MRRF: variants seen among roughly 807,000 people sequenced by gnomAD.
MRRF encodes the protein ribosome-recycling factor, mitochondrial.
MRRF carries 18 observed loss-of-function variants against 25.1 expected under a neutral mutation model. The observed-to-expected ratio is 0.72, with a 90% CI of 0.50 to 1.06. The LOEUF is 1.06. MRRF is among the 50% of genes least tolerant of loss of function. The probability of loss-of-function intolerance (pLI) is 0.00; values close to 1 mark genes in which losing one functional copy is unlikely to be tolerated. For synonymous variants in MRRF, 113 were observed against 112.1 expected (o/e 1.01, Z -0.05); for missense variants, 323 against 319.3 (o/e 1.01, Z -0.09).
At chr9:122,302,855 T>G (rs1163488486) in intron 5 of MRRF, among the ~76,000 whole-genome samples, 2 of 152,214 alleles carry the variant, frequency 1.3e-5, no homozygotes, top group African/African-American at 4.8e-5. Flanking sequence ...GATTTCAGTT[T>G]CTCCATTCCT....
At chr9:122,277,286 T>C (rs1329991863) in intron 2 of MRRF, among the ~76,000 whole-genome samples, 1 of 152,256 alleles carries the variant, frequency 6.6e-6, no homozygotes. Context: ...TGATTTCCAA[T>C]AGTGAATTTT....
intron 3 of MRRF, among the ~76,000 whole-genome samples, chr9:122,283,556 C>T (rs73555242): frequency 0.047 from 7,146 of 152,242 alleles, 528 homozygotes; most frequent in African/African-American, 0.16. Flanking sequence ...TTATACCTCC[C>T]GGACTTTTCC....
At chr9:122,308,884 G>T (rs1313299030) in intron 5 of MRRF, among the ~76,000 whole-genome samples, 1 of 152,018 alleles carries the variant, frequency 6.6e-6, no homozygotes, top group East Asian at 1.9e-4. Context: ...ATTGTGTGTT[G>T]TAGGGATGGG....
intron 5 of MRRF, among the ~76,000 whole-genome samples, chr9:122,301,743 T>C (rs1413383482): frequency 6.6e-6 from 1 of 151,964 alleles, no homozygotes. Context: ...TTTTTTTTTT[T>C]TTCTTTTTGA....
rs201001240 is a variant in MRRF, at chr9:122,291,799, C to G, written c.510C>G (p.Asn170Lys). 1 of 1,613,894 alleles carries G rather than the reference C, an allele frequency of 6.2e-7. No individual in the cohort carries two copies. The highest frequency in any genetic ancestry group is 8.5e-7 in the Non-Finnish European group (1 of 1,179,814). ...TAAGAGAAAGTGGAATGAATCTGAA[C>G]CCAGAAGTGGAAGGGACGCTAATTC... ...KAIRESGMNL[N>K]PEVEGTLIRV... The change falls in exon 5 of 7, where the codon AAC becomes AAG. Residue 170 changes from asparagine (N) to lysine (K), a missense_variant. Coordinates refer to ENST00000344641, the MANE Select transcript of MRRF (RefSeq NM_138777.5).
intron 1 of MRRF, among the ~76,000 whole-genome samples, chr9:122,269,120 C>A (rs1427047288): frequency 2.0e-5 from 3 of 150,402 alleles, no homozygotes; most frequent in African/African-American, 7.3e-5. Flanking sequence ...GAGCCGAGAT[C>A]GTGCCACTGC....
At chr9:122,284,159 A>G (rs1833245586) in intron 3 of MRRF, among the ~76,000 whole-genome samples, 1 of 152,152 alleles carries the variant, frequency 6.6e-6, no homozygotes, top group Admixed American at 6.6e-5. Flanking sequence ...CCTCTGCAGA[A>G]TCAGGATCTC....
Position 122,280,468 on chromosome 9 carries a change from C to G in MRRF, c.210C>G (p.Thr70=), listed in dbSNP as rs1833031940. 6.2e-7 allele frequency: 1 copy of G among 1,613,948 alleles called. No homozygotes were observed. Among genetic ancestry groups the G allele is most frequent in the East Asian group, 2.2e-5 (1 of 44,880 alleles). The change falls in exon 3 of 7, where the codon ACC becomes ACG. Residue 70 remains threonine (T), a synonymous_variant. Transcript: ENST00000344641. ...AKAKGKGQSQ[T]RVNINAALVE... is the part of the protein sequence containing the mutation. ...CCAAAGGGAAAGGACAGTCCCAAACCAGAGTGAATATTAATGCTGCCTTGG... is the reference window on the plus strand; with the variant it reads ...CCAAAGGGAAAGGACAGTCCCAAACGAGAGTGAATATTAATGCTGCCTTGG...
chr9:122,292,168 G>A (rs966671545), intron 5 of MRRF, among the ~76,000 whole-genome samples: 8 of 152,300 alleles, frequency 5.3e-5, no homozygotes, highest in Non-Finnish European at 8.8e-5. Flanking sequence ...GGATCCAATA[G>A]AGAGTGACTT....
intron 2 of MRRF, among the ~76,000 whole-genome samples, chr9:122,273,758 A>G (rs13284118): frequency 6.6e-6 from 1 of 152,212 alleles, no homozygotes; most frequent in Non-Finnish European, 1.5e-5. Flanking sequence ...CTTTAACACC[A>G]CAGATTAGTT....
rs1316608637 is a variant in MRRF at position 122,327,425 on chromosome 9, T to G, written c.*4808T>G. ...AAGCTTGTATCCTCAAAAGCCACTT[T>G]GAGGCTTTCTTTTGCCCTAATAGAC... is the stretch of plus-strand genomic sequence containing the variant. On this transcript the variant is annotated 3_prime_UTR_variant, in exon 7 of 7. Coordinates refer to ENST00000344641, the MANE Select transcript of MRRF (RefSeq NM_138777.5). 6.6e-6 allele frequency: 1 copy of G among 152,220 alleles called. No homozygotes were observed. The highest frequency in any genetic ancestry group is 1.5e-5 in the Non-Finnish European group (1 of 68,036). The allele number at this position is 152,220 out of a possible 1,614,324, so 9.4% of individuals were successfully genotyped here.
chr9:122,282,616 T>C (rs1408106222), intron 3 of MRRF, among the ~76,000 whole-genome samples: 1 of 152,232 alleles, frequency 6.6e-6, no homozygotes, highest in Non-Finnish European at 1.5e-5. Context: ...AGTGTCCTTG[T>C]CTATAAGGTA....
intron 2 of MRRF, among the ~76,000 whole-genome samples, chr9:122,276,307 T>C (rs1193393656): frequency 1.3e-5 from 2 of 152,188 alleles, no homozygotes; most frequent in Admixed American, 6.5e-5. Context: ...TTATTTATTT[T>C]AGAGATAAGG....
intron 4 of MRRF, among the ~76,000 whole-genome samples, chr9:122,290,234 C>T (rs1833680674): frequency 6.6e-6 from 1 of 152,074 alleles, no homozygotes; most frequent in Admixed American, 6.6e-5. Context: ...GATGGGAGTC[C>T]TCAAACCATC....
chr9:122,280,689 A>G, intron 3 of MRRF, 91 bp downstream of exon 3: 2 of 1,281,680 alleles, frequency 1.6e-6, no homozygotes, highest in South Asian at 1.2e-5. Flanking sequence ...TTTGCCATTT[A>G]CTAACTGGTG....
At position 122,312,399 on chromosome 9, in the gene MRRF, C is replaced by T. The variant is rs559419731; in HGVS notation, c.552-828C>T. On this transcript the variant is annotated intron_variant, in intron 5 of 6. Coordinates refer to ENST00000344641, the MANE Select transcript of MRRF (RefSeq NM_138777.5). Reference sequence around the variant, plus strand: ...GTAAATACAACTGTTCACTTCAGAGCTTATTCTTTCTCAAAATTCTTTAAT... The same window carrying T: ...GTAAATACAACTGTTCACTTCAGAGTTTATTCTTTCTCAAAATTCTTTAAT... Among the ~76,000 whole-genome samples, 3 of 152,270 alleles carry T rather than the reference C, an allele frequency of 2.0e-5. No individual in the cohort carries two copies. The South Asian group carries it at 6.2e-4, about 32-fold the overall frequency.
chr9:122,280,457 C>A lies in MRRF; in HGVS notation c.199C>A (p.Gln67Lys). 1 of 1,614,124 alleles carries A rather than the reference C, an allele frequency of 6.2e-7. No homozygotes were observed. Among genetic ancestry groups the A allele is most frequent in the South Asian group, 1.1e-5 (1 of 91,084 alleles). ...TKKAKAKGKG[Q>K]SQTRVNINAA... ...TCACTTTTTAGCCAAAGGGAAAGGA[C>A]AGTCCCAAACCAGAGTGAATATTAA... The change falls in exon 3 of 7, where the codon CAG becomes AAG. Residue 67 changes from glutamine (Q) to lysine (K), a missense_variant. Physicochemically the swap from Gln to Lys is moderately conservative, Grantham distance 53. Transcript: ENST00000344641.
rs1836134087 is a variant in MRRF at position 122,326,134 on chromosome 9, G to A, written c.*3517G>A. 2 of 143,638 alleles carry A rather than the reference G, an allele frequency of 1.4e-5. No individual in the cohort carries two copies. The highest frequency in any genetic ancestry group is 4.4e-4 in the South Asian group (2 of 4,532). 8.9% of individuals were successfully genotyped at this position (143,638 alleles called of 1,614,324 possible). A position where few individuals can be genotyped will look rare whatever the true frequency, so the allele number is the denominator to read the frequency against. On this transcript the variant is annotated 3_prime_UTR_variant, in exon 7 of 7. Coordinates refer to ENST00000344641, the MANE Select transcript of MRRF (RefSeq NM_138777.5). ...TTTTTTTTTTTTTTTTTGCAATGGA[G>A]TCTTGCTCTGTCGCCCACGCTGGAG...
chr9:122,288,425 GA>G (rs1833548838), intron 4 of MRRF, among the ~76,000 whole-genome samples: 1 of 152,156 alleles, frequency 6.6e-6, no homozygotes, highest in African/African-American at 2.4e-5. Context: ...TATAGATGAG[GA>G]AACTGAGACT....
Sources: gnomAD v4.1 joint callset for allele counts (sites outside exome capture counted in the v4.1 genomes callset) on GRCh38, gnomAD v4.1.1 for gene constraint, MANE v1.5 for transcripts, NCBI Gene and HGNC (gene_info 2026-07-23, HGNC 2026-07-21) for gene names.